Variants in PPM1L observed in about 807,000 individuals in gnomAD.
PPM1L encodes the protein protein phosphatase, Mg2+/Mn2+ dependent 1L.
In PPM1L, 13 loss-of-function variants were observed where a neutral mutation model predicts 31.4. The observed-to-expected ratio is 0.41, with a 90% confidence interval of 0.27 to 0.66. PPM1L has a LOEUF of 0.66. Among genes scored for constraint, PPM1L ranks in the 30% least tolerant of loss-of-function variants. PPM1L has a pLI of 0.29. For synonymous variants in PPM1L, 184 were observed against 175.4 expected, an observed-to-expected ratio of 1.05 and a Z score of -0.39; for missense variants, 326 against 453.7, an observed-to-expected ratio of 0.72 and a Z score of 2.56.
At chr3:160,910,348 G>T (rs544659772) in intron 1 of PPM1L, among the ~76,000 whole-genome samples, 1 of 129,798 alleles carries the variant, frequency 7.7e-6, no homozygotes, top group Non-Finnish European at 1.6e-5. Context: ...GAGTCTCACT[G>T]GTCACCCAGT....
chr3:160,784,529 C>T (rs894992875), intron 1 of PPM1L, among the ~76,000 whole-genome samples: 1 of 152,124 alleles, frequency 6.6e-6, no homozygotes, highest in Non-Finnish European at 1.5e-5. Flanking sequence ...AAAATGAGGT[C>T]GGGTTACCCA....
chr3:161,041,218 A>G (rs1195640803), intron 2 of PPM1L, among the ~76,000 whole-genome samples: 1 of 152,170 alleles, frequency 6.6e-6, no homozygotes, highest in African/African-American at 2.4e-5. Context: ...GTTTAAATTT[A>G]CCTATAGCCT....
At chr3:161,043,229 G>C (rs1251881791) in intron 2 of PPM1L, among the ~76,000 whole-genome samples, 1 of 151,942 alleles carries the variant, frequency 6.6e-6, no homozygotes, top group Admixed American at 6.6e-5. Flanking sequence ...TGGGAGGAGG[G>C]TTTAGATAAG....
At chr3:160,816,292 T>TGTGA (rs10576376) in intron 1 of PPM1L, among the ~76,000 whole-genome samples, 1 of 147,148 alleles carries the variant, frequency 6.8e-6, no homozygotes. Context: ...TGTGTGTGTG[T>TGTGA]GAAACCCATA....
intron 1 of PPM1L, among the ~76,000 whole-genome samples, chr3:160,785,187 A>G (rs77255644): frequency 0.07 from 10,680 of 152,278 alleles, 440 homozygotes; most frequent in Admixed American, 0.11. Flanking sequence ...GACTGTTAGA[A>G]GTGTGCTTCA....
chr3:160,795,498 G>T (rs1712221295), intron 1 of PPM1L, among the ~76,000 whole-genome samples: 2 of 152,236 alleles, frequency 1.3e-5, no homozygotes, highest in South Asian at 4.1e-4. Context: ...CTGCCCTAGG[G>T]TTAGCAAAAC....
chr3:160,973,137 T>G (rs1716409965), intron 2 of PPM1L, among the ~76,000 whole-genome samples: 1 of 152,204 alleles, frequency 6.6e-6, no homozygotes, highest in African/African-American at 2.4e-5. Context: ...TAAAGAACTT[T>G]GCTGAGAAAA....
intron 2 of PPM1L, among the ~76,000 whole-genome samples, chr3:160,967,264 T>G (rs1367894672): frequency 6.6e-6 from 1 of 152,004 alleles, no homozygotes; most frequent in Non-Finnish European, 1.5e-5. Flanking sequence ...TTAAACCTCT[T>G]TTTCTTTATA....
chr3:160,887,178 A>G (rs551400217), intron 1 of PPM1L, among the ~76,000 whole-genome samples: 19 of 152,142 alleles, frequency 1.2e-4, no homozygotes, highest in South Asian at 6.2e-4. Context: ...ATGAAAAGGA[A>G]TGAACAAAGT....
At chr3:161,046,201 TAAA>T (rs1358145256) in intron 2 of PPM1L, among the ~76,000 whole-genome samples, 1 of 137,648 alleles carries the variant, frequency 7.3e-6, no homozygotes, top group Non-Finnish European at 1.6e-5. Context: ...GCAAGACTAA[TAAA>T]GAAGAAAAGA....
chr3:160,966,820 T>G (rs1457092727), intron 2 of PPM1L, among the ~76,000 whole-genome samples: 2 of 152,132 alleles, frequency 1.3e-5, no homozygotes, highest in African/African-American at 4.8e-5. Context: ...CAAAGTCACA[T>G]TAGCATTCAC....
intron 1 of PPM1L, among the ~76,000 whole-genome samples, chr3:160,761,269 T>C (rs1461336393): frequency 1.3e-5 from 2 of 152,244 alleles, no homozygotes; most frequent in Non-Finnish European, 2.9e-5. Flanking sequence ...ACTGTGTATC[T>C]GAACCCCTTG....
At chr3:161,013,077 G>T (rs1248251956) in intron 2 of PPM1L, among the ~76,000 whole-genome samples, 1 of 152,130 alleles carries the variant, frequency 6.6e-6, no homozygotes, top group Non-Finnish European at 1.5e-5. Context: ...TTTTGAATGT[G>T]TTTGCTCTTG....
At chr3:160,842,095 T>G in intron 1 of PPM1L, 2 of 557,346 alleles carry the variant, frequency 3.6e-6, no homozygotes, top group Non-Finnish European at 6.4e-6. Context: ...GATGAGTGGG[T>G]TGGAATATTA....
chr3:160,756,455 G>A lies in PPM1L; in HGVS notation c.147G>A (p.Val49=), dbSNP rs1355962020. 6.2e-7 allele frequency: 1 copy of A among 1,614,178 alleles called. No individual in the cohort carries two copies. Among genetic ancestry groups the A allele is most frequent in the South Asian group, 1.1e-5 (1 of 91,078 alleles). Residue 49 remains valine (V), a synonymous_variant, in exon 1 of 4, where the codon GTG becomes GTA. Transcript: ENST00000498165. This position sits in a 1 kb window ranked among gnomAD's most constrained non-coding sequence, Gnocchi z 6.2. ...FFHTDEVKTI[V]KSSRDAVKMV... ...ACACCGACGAGGTGAAGACCATCGT[G>A]AAGTCCAGCCGGGACGCCGTGAAGA...
intron 2 of PPM1L, among the ~76,000 whole-genome samples, chr3:160,986,598 A>G (rs545039541): frequency 1.3e-5 from 2 of 152,368 alleles, no homozygotes; most frequent in East Asian, 3.9e-4. Context: ...CATCTGCTAC[A>G]GTTTTTCCCA....
intron 2 of PPM1L, among the ~76,000 whole-genome samples, chr3:161,055,628 T>G (rs747224560): frequency 6.6e-6 from 1 of 152,098 alleles, no homozygotes; most frequent in Non-Finnish European, 1.5e-5. Context: ...TTGATTCTCC[T>G]GTGCTGTGTA....
chr3:160,782,235 T>A lies in PPM1L; in HGVS notation c.399+25528T>A, dbSNP rs118027069. Among the ~76,000 whole-genome samples, 1,317 of 152,142 alleles carry A rather than the reference T, an allele frequency of 8.7e-3. 23 individuals carry two copies. Among genetic ancestry groups the A allele is most frequent in the Admixed American group, 0.051 (772 of 15,276 alleles). ...ACATAGGAGCCTGTCTTCCGCAGAG[T>A]GTCATGACAGTTGTTTGACCTTTCG... On this transcript the variant is annotated intron_variant, in intron 1 of 3. Transcript: ENST00000498165.
chr3:161,031,502 C>CTTTTTTTTT (rs760907219), intron 2 of PPM1L, among the ~76,000 whole-genome samples: 2,239 of 101,326 alleles, frequency 0.022, 275 homozygotes, highest in African/African-American at 0.06. Context: ...GTATTCTGTC[C>CTTTTTTTTT]TTTTTTTTTT....
Sources: allele counts gnomAD v4.1 joint callset (sites outside exome capture counted in the v4.1 genomes callset), GRCh38; gene constraint gnomAD v4.1.1; non-coding constraint Gnocchi (gnomAD v3.1); transcripts MANE v1.5; gene names NCBI Gene and HGNC (gene_info 2026-07-23, HGNC 2026-07-21).